Variants in FGF14 observed in about 807,000 individuals in gnomAD.
FGF14 encodes fibroblast growth factor homologous factor 4.
A neutral mutation model predicts 25.5 loss-of-function variants in FGF14; 5 were observed. The observed-to-expected ratio is 0.20, with a 90% CI of 0.10 to 0.41. FGF14 has a LOEUF of 0.41. Ranked by LOEUF, FGF14 falls within the 10% of genes least tolerant of loss-of-function variation. FGF14 has a pLI of 1.00. For synonymous variants in FGF14, 138 were observed against 118.3 expected (o/e 1.17, Z -1.08); for missense variants, 222 against 320.1 (o/e 0.69, Z 2.34).
chr13:102,340,724 C>CA (rs2056925506), intron 1 of FGF14, among the ~76,000 whole-genome samples: 1 of 152,088 alleles, frequency 6.6e-6, no homozygotes, highest in African/African-American at 2.4e-5. Flanking sequence ...TCATAAAATG[C>CA]AAAGGGCTTC....
chr13:102,323,957 ATGTGTGTGTGTGTGTGTGTGTGTGTGTG>A (rs3066051), intron 1 of FGF14, among the ~76,000 whole-genome samples: 1 of 136,420 alleles, frequency 7.3e-6, no homozygotes, highest in South Asian at 2.6e-4. Flanking sequence ...AACGTGCAGT[ATGTGTGTGTGTGTGTGTGTGTGTGTGTG>A]TGTGTGTGTG....
chr13:101,954,652 A>G (rs1374128574), intron 1 of FGF14, among the ~76,000 whole-genome samples: 1 of 152,246 alleles, frequency 6.6e-6, no homozygotes, highest in Non-Finnish European at 1.5e-5. Flanking sequence ...CTATGCTCCC[A>G]TGGCCCCTGA....
At chr13:102,214,329 G>A (rs1471443993) in intron 1 of FGF14, among the ~76,000 whole-genome samples, 2 of 152,130 alleles carry the variant, frequency 1.3e-5, no homozygotes, top group Non-Finnish European at 2.9e-5. Context: ...ATCACGCAGT[G>A]TCATTTTTAT....
At position 101,790,808 on chromosome 13, in the gene FGF14, T is replaced by C. The variant is rs375144375; in HGVS notation, c.409-63998A>G. 9.8e-5 allele frequency among the ~76,000 whole-genome samples: 15 copies of C among 152,294 alleles called. No individual in the cohort carries two copies. In the East Asian group the frequency reaches 2.7e-3, roughly 27 times the overall value. On this transcript the variant is annotated intron_variant, in intron 3 of 4. Coordinates refer to ENST00000376143, the MANE Select transcript of FGF14 (RefSeq NM_004115.4). Reference sequence around the variant, plus strand: ...TGATGCAACTTGATCTTGGATCACATTATGATAAATATAGATGAAGAAGTA... The same window carrying C: ...TGATGCAACTTGATCTTGGATCACACTATGATAAATATAGATGAAGAAGTA...
At chr13:102,352,398 C>T (rs374891466) in intron 1 of FGF14, among the ~76,000 whole-genome samples, 1 of 152,016 alleles carries the variant, frequency 6.6e-6, no homozygotes, top group African/African-American at 2.4e-5. Flanking sequence ...GGAATTTTAG[C>T]TACTAAGGAG....
At chr13:102,166,996 G>A (rs1454642681) in intron 1 of FGF14, among the ~76,000 whole-genome samples, 2 of 152,162 alleles carry the variant, frequency 1.3e-5, no homozygotes, top group African/African-American at 2.4e-5. Context: ...TGGGCACGAA[G>A]AGGCTAATAA....
At chr13:102,196,064 A>C (rs2049337853) in intron 1 of FGF14, among the ~76,000 whole-genome samples, 1 of 152,234 alleles carries the variant, frequency 6.6e-6, no homozygotes, top group Non-Finnish European at 1.5e-5. Flanking sequence ...TCACCTCTTA[A>C]TAGATTCATC....
At chr13:102,211,521 C>T (rs987351561) in intron 1 of FGF14, among the ~76,000 whole-genome samples, 1 of 152,134 alleles carries the variant, frequency 6.6e-6, no homozygotes, top group Non-Finnish European at 1.5e-5. Flanking sequence ...ACTTCCAAAA[C>T]TTTTTGAAGT....
chr13:102,091,314 T>A (rs527574029), intron 1 of FGF14, among the ~76,000 whole-genome samples: 17 of 152,190 alleles, frequency 1.1e-4, no homozygotes, highest in South Asian at 2.1e-4. Flanking sequence ...TTGCCAAGAT[T>A]CTCTCTGTTA....
intron 1 of FGF14, among the ~76,000 whole-genome samples, chr13:101,954,271 C>T (rs1350761574): frequency 6.7e-6 from 1 of 149,814 alleles, no homozygotes; most frequent in Non-Finnish European, 1.5e-5. Flanking sequence ...AAAATTAGTC[C>T]CTGAAGAGTT....
chr13:102,032,838 T>C (rs1312690375), intron 1 of FGF14, among the ~76,000 whole-genome samples: 1 of 152,104 alleles, frequency 6.6e-6, no homozygotes, highest in Non-Finnish European at 1.5e-5. Flanking sequence ...CCCAGCTATG[T>C]CCTATTCATC....
intron 1 of FGF14, among the ~76,000 whole-genome samples, chr13:102,392,695 A>C (rs1198085422): frequency 6.6e-6 from 1 of 152,190 alleles, no homozygotes; most frequent in Admixed American, 6.5e-5. Flanking sequence ...AAAACCTGTA[A>C]TCAGAAAATT....
At chr13:102,275,972 C>T (rs1365932891) in intron 1 of FGF14, among the ~76,000 whole-genome samples, 1 of 151,964 alleles carries the variant, frequency 6.6e-6, no homozygotes, top group Non-Finnish European at 1.5e-5. Context: ...AAACAAGCTT[C>T]CTTCATACCT....
At chr13:101,826,424 A>T (rs1482915149) in intron 3 of FGF14, among the ~76,000 whole-genome samples, 1 of 152,066 alleles carries the variant, frequency 6.6e-6, no homozygotes, top group Non-Finnish European at 1.5e-5. Flanking sequence ...GACACAAATA[A>T]CCAATGAAAT....
chr13:101,940,490 T>A (rs958647506), intron 1 of FGF14, among the ~76,000 whole-genome samples: 4 of 152,238 alleles, frequency 2.6e-5, no homozygotes, highest in African/African-American at 9.6e-5. Flanking sequence ...GAAAAGCTTG[T>A]GCTCGCCTTG....
intron 1 of FGF14, among the ~76,000 whole-genome samples, chr13:101,980,750 C>T (rs2139606792): frequency 6.6e-6 from 1 of 152,286 alleles, no homozygotes; most frequent in East Asian, 1.9e-4. Flanking sequence ...ATTACATCTA[C>T]ATTTCACAGC....
At chr13:102,158,918 C>G (rs1373673048) in intron 1 of FGF14, among the ~76,000 whole-genome samples, 1 of 152,102 alleles carries the variant, frequency 6.6e-6, no homozygotes, top group East Asian at 1.9e-4. Context: ...GCAGGTGGAC[C>G]ACTTGAGGTC....
At chr13:101,754,068 G>A (rs118162743) in intron 3 of FGF14, among the ~76,000 whole-genome samples, 7,246 of 152,246 alleles carry the variant, frequency 0.048, 265 homozygotes, top group Non-Finnish European at 0.075. Context: ...GCCTTTTCGT[G>A]CTAGCTAGAT....
At chr13:102,229,395 G>A (rs1928510) in intron 1 of FGF14, among the ~76,000 whole-genome samples, 123,007 of 152,222 alleles carry the variant, frequency 0.81, 50,098 homozygotes, top group African/African-American at 0.91. Context: ...TATTATCACC[G>A]TTTCACAGAT....
Sources: gnomAD v4.1 joint callset for allele counts (sites outside exome capture counted in the v4.1 genomes callset) on GRCh38, gnomAD v4.1.1 for gene constraint, MANE v1.5 for transcripts, NCBI Gene and HGNC (gene_info 2026-07-23, HGNC 2026-07-21) for gene names.